The following EFCAB13 variants were observed in gnomAD, a reference collection of about 807,000 sequenced individuals.
EFCAB13 encodes the protein EF-hand calcium binding domain 13.
In EFCAB13, 91 loss-of-function variants were observed where a neutral mutation model predicts 110.2. The observed-to-expected ratio is 0.83, with a 90% CI of 0.70 to 0.98. The LOEUF is 0.98. Ranked by LOEUF, EFCAB13 falls within the 50% of genes least tolerant of loss-of-function variation. The pLI is 0.00. For synonymous variants in EFCAB13, 323 were observed against 369.9 expected (o/e 0.87, Z 1.45); for missense variants, 968 against 1,119.4 (o/e 0.86, Z 1.93).
rs551358125 is a variant in EFCAB13 at position 47,389,578 on chromosome 17, C to CTTT, written c.1583-1843_1583-1841dup. On this transcript the variant is annotated intron_variant, in intron 14 of 24. Coordinates refer to ENST00000331493, the MANE Select transcript of EFCAB13 (RefSeq NM_152347.5). ...ACAGTGACCAGGCCCCTCATTTCATCTTTTTTTTTTTTTTTTTTACCCTAT... is the reference window on the plus strand; with the variant it reads ...ACAGTGACCAGGCCCCTCATTTCATCTTTTTTTTTTTTTTTTTTTTTACCCTAT... Among the ~76,000 whole-genome samples the CTTT allele has an allele frequency of 4.4e-5, 6 of 135,170 alleles. No individual in the cohort carries two copies. In the South Asian group the frequency reaches 7.3e-4, roughly 16 times the overall value. 88.7% of individuals were successfully genotyped at this position (135,170 alleles called of 152,430 possible). A position where few individuals can be genotyped will look rare whatever the true frequency, so the allele number is the denominator to read the frequency against.
At chr17:47,404,048 G>T in intron 19 of EFCAB13, 27 bp downstream of exon 19, 1 of 1,329,928 alleles carries the variant, frequency 7.5e-7, no homozygotes, top group Non-Finnish European at 1.0e-6. Context: ...TTACTCTCAG[G>T]TTTTTTTTTT....
At chr17:47,377,243 C>A (rs1598740567) in intron 12 of EFCAB13, among the ~76,000 whole-genome samples, 2 of 152,188 alleles carry the variant, frequency 1.3e-5, no homozygotes, top group South Asian at 4.2e-4. Flanking sequence ...TGCACTGCGA[C>A]CTCTGCCTCC....
chr17:47,351,132 A>G (rs1215245879), intron 9 of EFCAB13, among the ~76,000 whole-genome samples: 3 of 152,116 alleles, frequency 2.0e-5, no homozygotes, highest in Admixed American at 6.6e-5. Context: ...TTTGGCTCCC[A>G]CCTATAAATT....
Position 47,373,868 on chromosome 17 carries a change from T to G in EFCAB13, c.878-604T>G, listed in dbSNP as rs995362801. Among the ~76,000 whole-genome samples the G allele has an allele frequency of 5.3e-5, 8 of 152,248 alleles. No individual in the cohort carries two copies. The East Asian group carries it at 9.6e-4, about 18-fold the overall frequency. ...GCGTGACAGTCTCATAGAGTTGTTT[T>G]GAGGATCAAATATTATAACATTTGA... On this transcript the variant is annotated intron_variant, in intron 11 of 24. Transcript: ENST00000331493.
chr17:47,397,026 C>T (rs1831915460), intron 17 of EFCAB13, among the ~76,000 whole-genome samples: 1 of 145,138 alleles, frequency 6.9e-6, no homozygotes, highest in Non-Finnish European at 1.5e-5. Context: ...CCCTCTCCCC[C>T]TCCCCCTCCC....
At chr17:47,415,971 C>A (rs1904428998) in intron 23 of EFCAB13, among the ~76,000 whole-genome samples, 1 of 151,990 alleles carries the variant, frequency 6.6e-6, no homozygotes. Flanking sequence ...GAACACCTAC[C>A]AAAGAACTCT....
At chr17:47,411,656 C>T (rs904361102) in intron 21 of EFCAB13, among the ~76,000 whole-genome samples, 1 of 152,138 alleles carries the variant, frequency 6.6e-6, no homozygotes, top group Non-Finnish European at 1.5e-5. Flanking sequence ...GAATGTAGGT[C>T]TAAGATGATA....
At chr17:47,432,549 C>T (rs1020513756) in intron 24 of EFCAB13, among the ~76,000 whole-genome samples, 3 of 151,958 alleles carry the variant, frequency 2.0e-5, no homozygotes, top group Admixed American at 2.0e-4. Flanking sequence ...GTATTCGTAC[C>T]ACTTCATTCC....
intron 24 of EFCAB13, among the ~76,000 whole-genome samples, chr17:47,438,227 C>A (rs1267577961): frequency 1.3e-5 from 2 of 152,182 alleles, no homozygotes; most frequent in African/African-American, 4.8e-5. Context: ...TTTCCTTCGT[C>A]TTAACTTTGG....
chr17:47,335,273 C>T lies in EFCAB13; in HGVS notation c.108C>T (p.His36=), dbSNP rs2065342904. Residue 36 remains histidine (H), a synonymous_variant, in exon 5 of 25, where the codon CAC becomes CAT. Coordinates refer to ENST00000331493, the MANE Select transcript of EFCAB13 (RefSeq NM_152347.5). ...ATDLSSGTIN[H]KKYIKFSKTI... ...ACTTGTCATCAGGAACTATTAACCACAAGAAATACATCAAGTTTTCTAAAA... is the reference window on the plus strand; with the variant it reads ...ACTTGTCATCAGGAACTATTAACCATAAGAAATACATCAAGTTTTCTAAAA... 6.2e-7 allele frequency: 1 copy of T among 1,611,336 alleles called. No homozygotes were observed. The highest frequency in any genetic ancestry group is 8.5e-7 in the Non-Finnish European group (1 of 1,179,100).
At chr17:47,337,904 G>A (rs910146289) in intron 5 of EFCAB13, among the ~76,000 whole-genome samples, 2 of 152,140 alleles carry the variant, frequency 1.3e-5, no homozygotes, top group African/African-American at 4.8e-5. Flanking sequence ...TGGCTACTTG[G>A]TGACAGTCTA....
At chr17:47,328,020 C>T (rs1598714215) in intron 3 of EFCAB13, 1 of 450,100 alleles carries the variant, frequency 2.2e-6, no homozygotes, top group South Asian at 5.6e-5. Context: ...TTGGATTTCT[C>T]AGCTTTGTAT....
chr17:47,342,121 G>T (rs562952476), intron 6 of EFCAB13, 89 bp downstream of exon 6: 2 of 702,872 alleles, frequency 2.8e-6, no homozygotes, highest in East Asian at 6.0e-5. Context: ...TCCAAGTGTT[G>T]AAATGTCACA....
At chr17:47,368,864 C>T (rs372200917) in intron 10 of EFCAB13, among the ~76,000 whole-genome samples, 1 of 152,134 alleles carries the variant, frequency 6.6e-6, no homozygotes, top group Non-Finnish European at 1.5e-5. Flanking sequence ...ACTCTACTAC[C>T]GCAAGGCACA....
rs775664888 is a variant in EFCAB13 at position 47,344,329 on chromosome 17, G to A, written c.434+37G>A. ...CTTGTACTCTATTTTTTAAATGTTG[G>A]GTTCAGACTTGGGTGTTTCTCTCCA... On this transcript the variant is annotated intron_variant, in intron 7 of 24. Transcript: ENST00000331493. 36 of 1,595,058 alleles carry A rather than the reference G, an allele frequency of 2.3e-5. No individual in the cohort carries two copies. The South Asian group carries it at 2.4e-4, about 11-fold the overall frequency.
intron 11 of EFCAB13, among the ~76,000 whole-genome samples, chr17:47,370,838 C>A (rs950648663): frequency 6.7e-6 from 1 of 149,196 alleles, no homozygotes; most frequent in African/African-American, 2.5e-5. Flanking sequence ...GCCTCCTGGG[C>A]TCAAGTGATT....
chr17:47,401,208 T>C (rs1307780421), intron 17 of EFCAB13, among the ~76,000 whole-genome samples: 1 of 152,248 alleles, frequency 6.6e-6, no homozygotes, highest in Non-Finnish European at 1.5e-5. Flanking sequence ...CATTGTTAAT[T>C]GTAGCTATAT....
intron 11 of EFCAB13, 139 bp downstream of exon 11, chr17:47,370,647 A>C (rs892655071): frequency 1.8e-6 from 1 of 554,460 alleles, no homozygotes; most frequent in African/African-American, 1.9e-5. Flanking sequence ...CAAGGAGATA[A>C]AATATAATAC....
chr17:47,330,050 T>G (rs1189448962), intron 4 of EFCAB13: 1 of 152,160 alleles, frequency 6.6e-6, no homozygotes, highest in African/African-American at 2.4e-5. Context: ...CATGGTCACC[T>G]TTGGGTTCAA....
Sources: gnomAD v4.1 joint callset for allele counts (sites outside exome capture counted in the v4.1 genomes callset) on GRCh38, gnomAD v4.1.1 for gene constraint, MANE v1.5 for transcripts, NCBI Gene and HGNC (gene_info 2026-07-23, HGNC 2026-07-21) for gene names.